Variants in NAPEPLD observed in about 807,000 individuals in gnomAD.
NAPEPLD encodes the protein N-acyl-phosphatidylethanolamine-hydrolyzing phospholipase D.
NAPEPLD carries 23 observed loss-of-function variants against 38.1 expected under a neutral mutation model. That is an observed-to-expected ratio of 0.60 (90% CI 0.43 to 0.86). The LOEUF (loss-of-function observed/expected upper bound fraction) is 0.86, where lower values mean the gene tolerates loss of function less well. Among genes scored for constraint, NAPEPLD ranks in the 40% least tolerant of loss-of-function variants. The pLI is 0.00. For missense variants in NAPEPLD, 411 were observed against 476.8 expected (o/e 0.86, Z 1.28); for synonymous variants, 147 against 162.0 (o/e 0.91, Z 0.71).
upstream of NAPEPLD, among the ~76,000 whole-genome samples, chr7:103,149,835 C>T (rs1813349214): frequency 6.6e-6 from 1 of 152,208 alleles, no homozygotes; most frequent in Non-Finnish European, 1.5e-5. Flanking sequence ...CTGTCATAGC[C>T]AACTCAATCA....
At chr7:103,137,489 CAAATTA>C (rs1365626817) in intron 1 of NAPEPLD, among the ~76,000 whole-genome samples, 7 of 151,988 alleles carry the variant, frequency 4.6e-5, no homozygotes, top group Non-Finnish European at 7.4e-5. Context: ...TTAGGGTGAT[CAAATTA>C]AAATATCATG....
At chr7:103,142,713 C>T (rs966647316) in intron 1 of NAPEPLD, among the ~76,000 whole-genome samples, 1 of 152,104 alleles carries the variant, frequency 6.6e-6, no homozygotes, top group Non-Finnish European at 1.5e-5. Flanking sequence ...TTCACATTGT[C>T]AATAACACAA....
intron 1 of NAPEPLD, among the ~76,000 whole-genome samples, chr7:103,143,188 C>T (rs1811835934): frequency 6.6e-6 from 1 of 152,152 alleles, no homozygotes; most frequent in Admixed American, 6.5e-5. Context: ...GATCATGCCA[C>T]TGCACTCCAG....
At chr7:103,114,123 C>G (rs113290522) in intron 4 of NAPEPLD, among the ~76,000 whole-genome samples, 3,102 of 152,224 alleles carry the variant, frequency 0.02, 47 homozygotes, top group Non-Finnish European at 0.029. Context: ...TCTCGAACTC[C>G]TGACCTCAAG....
chr7:103,115,017 T>C (rs1805282645), intron 4 of NAPEPLD, 43 bp downstream of exon 4: 4 of 1,457,636 alleles, frequency 2.7e-6, no homozygotes, highest in Admixed American at 3.4e-5. Context: ...AATCCTATCA[T>C]TGGTCAAACA....
chr7:103,141,302 A>T (rs1298213465), intron 1 of NAPEPLD: 6 of 372,002 alleles, frequency 1.6e-5, no homozygotes, highest in African/African-American at 1.1e-4. Context: ...TTAATGGCTG[A>T]TCTATGTAAT....
chr7:103,132,496 T>A (rs1448553383), intron 1 of NAPEPLD, among the ~76,000 whole-genome samples: 1 of 152,034 alleles, frequency 6.6e-6, no homozygotes, highest in Admixed American at 6.6e-5. Context: ...AGGTGGATTG[T>A]GACCCAGTGA....
chr7:103,106,738 A>AAAT (rs60226240), intron 4 of NAPEPLD, among the ~76,000 whole-genome samples: 1 of 149,998 alleles, frequency 6.7e-6, no homozygotes. Context: ...TAAAAAAAAA[A>AAAT]GGCAGCACCC....
chr7:103,115,006 G>T (rs1805279035), intron 4 of NAPEPLD, 54 bp downstream of exon 4: 2 of 1,359,640 alleles, frequency 1.5e-6, no homozygotes, highest in South Asian at 1.2e-5. Flanking sequence ...AGTGATGCCT[G>T]AATCCTATCA....
chr7:103,105,216 A>G (rs938786724), intron 4 of NAPEPLD, among the ~76,000 whole-genome samples: 2 of 152,194 alleles, frequency 1.3e-5, no homozygotes, highest in Non-Finnish European at 2.9e-5. Context: ...CCCCATAACC[A>G]TGGGACAAAA....
chr7:103,108,165 T>TG (rs1803780393), intron 4 of NAPEPLD, among the ~76,000 whole-genome samples: 1 of 138,156 alleles, frequency 7.2e-6, no homozygotes, highest in Non-Finnish European at 1.5e-5. Flanking sequence ...TTTTTTGAGA[T>TG]GGAGTCTTGC....
At chr7:103,125,110 G>A (rs891305488) in intron 2 of NAPEPLD, among the ~76,000 whole-genome samples, 1 of 152,050 alleles carries the variant, frequency 6.6e-6, no homozygotes, top group South Asian at 2.1e-4. Context: ...TCCAACTGAA[G>A]GTACATTTTC....
intron 4 of NAPEPLD, 23 bp from the exon 5 acceptor site, chr7:103,103,577 A>C (rs1391260717): frequency 1.3e-6 from 2 of 1,567,032 alleles, no homozygotes; most frequent in African/African-American, 2.8e-5. Context: ...AAAGAAGAAA[A>C]ATAGAAAAAG....
At chr7:103,143,427 G>A (rs77675604) in intron 1 of NAPEPLD, among the ~76,000 whole-genome samples, 9,316 of 151,924 alleles carry the variant, frequency 0.061, 494 homozygotes, top group East Asian at 0.28. Flanking sequence ...AACAGAACCC[G>A]TTTTACTTAG....
chr7:103,113,755 C>T (rs1006422544), intron 4 of NAPEPLD, among the ~76,000 whole-genome samples: 7 of 151,630 alleles, frequency 4.6e-5, no homozygotes, highest in Non-Finnish European at 2.9e-5. Context: ...CTCAGGCTCC[C>T]GAGTAGCTGG....
intron 1 of NAPEPLD, among the ~76,000 whole-genome samples, chr7:103,137,830 A>G (rs56245550): frequency 2.0e-5 from 2 of 99,838 alleles, no homozygotes; most frequent in African/African-American, 6.3e-5. Context: ...AAAAAAAAAA[A>G]AAAAAAGAAA....
intron 4 of NAPEPLD, among the ~76,000 whole-genome samples, chr7:103,105,912 A>G (rs956197912): frequency 4.1e-5 from 6 of 147,498 alleles, no homozygotes; most frequent in African/African-American, 1.5e-4. Context: ...CAGCCTGAGC[A>G]ACAGAATGAG....
In NAPEPLD at chr7:103,102,518, T is replaced by C. The variant is rs962017368; in HGVS notation, c.*911A>G. 1 of 151,902 alleles carries C rather than the reference T, an allele frequency of 6.6e-6. No homozygotes were observed. The highest frequency in any genetic ancestry group is 2.4e-5 in the African/African-American group (1 of 41,346). The allele number at this position is 151,902 out of a possible 1,614,324, so 9.4% of individuals were successfully genotyped here. A position where few individuals can be genotyped will look rare whatever the true frequency, so the allele number is the denominator to read the frequency against. On this transcript the variant is annotated 3_prime_UTR_variant, in exon 5 of 5. Transcript: ENST00000465647. ...ACCCGGCTTTTTCTTTTTTCTTTTTTTTTTTCCGAGAGAGACGGGAGGTCA... is the reference window on the plus strand; with the variant it reads ...ACCCGGCTTTTTCTTTTTTCTTTTTCTTTTTCCGAGAGAGACGGGAGGTCA...
At chr7:103,113,705 A>G (rs1805019108) in intron 4 of NAPEPLD, among the ~76,000 whole-genome samples, 1 of 143,018 alleles carries the variant, frequency 7.0e-6, no homozygotes, top group Non-Finnish European at 1.5e-5. Context: ...ATCTCGGCTC[A>G]CTGCAACCTC....
Sources: allele counts gnomAD v4.1 joint callset (sites outside exome capture counted in the v4.1 genomes callset), GRCh38; gene constraint gnomAD v4.1.1; transcripts MANE v1.5; gene names NCBI Gene and HGNC (gene_info 2026-07-23, HGNC 2026-07-21).